MREG: variants seen among roughly 807,000 people sequenced by gnomAD.
MREG encodes melanoregulin.
MREG carries 31 observed loss-of-function variants against 28.5 expected under a neutral mutation model. The ratio of observed to expected loss-of-function variants is 1.09; its 90% CI spans 0.82 to 1.47. The LOEUF is 1.47. Among genes scored for constraint, MREG ranks in the 40% most tolerant of loss-of-function variants. MREG has a pLI of 0.00. For synonymous variants in MREG, 106 were observed against 95.2 expected (o/e 1.11, Z -0.66); for missense variants, 256 against 257.4 (o/e 0.99, Z 0.04).
At chr2:215,975,648 T>C (rs1693236487) in intron 2 of MREG, among the ~76,000 whole-genome samples, 1 of 152,198 alleles carries the variant, frequency 6.6e-6, no homozygotes, top group African/African-American at 2.4e-5. Context: ...TTCCAAAGCT[T>C]AATAACCTCA....
rs1177328613 is a variant in MREG at position 215,944,010 on chromosome 2, C to T, written c.*853G>A. On this transcript the variant is annotated 3_prime_UTR_variant, in exon 5 of 5. Coordinates refer to ENST00000263268, the MANE Select transcript of MREG (RefSeq NM_018000.3). ...TTTTTTTTTTTTTGAGACGGAGTCTCGCTCTGTCGCCCAGGCTGGAGTGCA... is the reference window on the plus strand; with the variant it reads ...TTTTTTTTTTTTTGAGACGGAGTCTTGCTCTGTCGCCCAGGCTGGAGTGCA... The T allele has an allele frequency of 3.7e-4, 41 of 109,596 alleles. No individual in the cohort carries two copies. The highest frequency in any genetic ancestry group is 2.4e-4 in the Non-Finnish European group (14 of 59,266). The allele number at this position is 109,596 out of a possible 1,614,324, so 6.8% of individuals were successfully genotyped here.
intron 2 of MREG, among the ~76,000 whole-genome samples, chr2:215,950,578 A>G (rs931209383): frequency 1.3e-5 from 2 of 152,220 alleles, no homozygotes; most frequent in Non-Finnish European, 1.5e-5. Context: ...CAATGAAACT[A>G]TGGATGTCAT....
rs28611784 is a variant in MREG at position 216,024,941 on chromosome 2, G to C, written c.-68+7848C>G. 2.5e-3 allele frequency among the ~76,000 whole-genome samples: 248 copies of C among 97,808 alleles called. 2 individuals are homozygous for C. Among genetic ancestry groups the C allele is most frequent in the Middle Eastern group, 0.011 (2 of 182 alleles). 64.2% of individuals were successfully genotyped at this position (97,808 alleles called of 152,430 possible). A position where few individuals can be genotyped will look rare whatever the true frequency, so the allele number is the denominator to read the frequency against. On this transcript the variant is annotated intron_variant, in intron 1 of 3. Transcript: ENST00000420348. ...GAAAAAAAAAAGGAACGGAAAGGAAGGGAAAGGAAGGGAAAGGAAAGGAAA... is the reference window on the plus strand; with the variant it reads ...GAAAAAAAAAAGGAACGGAAAGGAACGGAAAGGAAGGGAAAGGAAAGGAAA...
intron 2 of MREG, among the ~76,000 whole-genome samples, chr2:215,971,432 G>A (rs1217709022): frequency 2.6e-5 from 4 of 152,180 alleles, no homozygotes; most frequent in Non-Finnish European, 5.9e-5. Flanking sequence ...ACCCTAAGGT[G>A]CTTTTTATTC....
chr2:216,013,134 C>G, intron 1 of MREG, 99 bp downstream of exon 1: 1 of 1,061,180 alleles, frequency 9.4e-7, no homozygotes, highest in Non-Finnish European at 1.4e-6. Context: ...TTCCAGCAAG[C>G]CCACCTCCCC....
intron 2 of MREG, among the ~76,000 whole-genome samples, chr2:215,979,439 G>A (rs1693350997): frequency 1.4e-5 from 2 of 146,640 alleles, no homozygotes; most frequent in South Asian, 4.2e-4. Flanking sequence ...GTCCAGCCTG[G>A]GCAACAAGAG....
upstream of MREG, among the ~76,000 whole-genome samples, chr2:216,015,437 G>C (rs1239217516): frequency 6.6e-6 from 1 of 152,244 alleles, no homozygotes; most frequent in South Asian, 2.1e-4. Context: ...AGAGAGAAGG[G>C]GGCCATGGAA....
At chr2:216,031,636 G>A (rs893969624) in intron 1 of MREG, among the ~76,000 whole-genome samples, 5 of 89,336 alleles carry the variant, frequency 5.6e-5, no homozygotes, top group Admixed American at 2.2e-4. Context: ...AACAAGGAAG[G>A]AAGGAAGAAG....
chr2:215,970,807 T>C (rs1161076107), intron 2 of MREG, among the ~76,000 whole-genome samples: 2 of 152,200 alleles, frequency 1.3e-5, no homozygotes, highest in Admixed American at 6.5e-5. Flanking sequence ...TAGGATAAGA[T>C]GATCACAGCT....
downstream of MREG, among the ~76,000 whole-genome samples, chr2:215,942,218 C>T (rs1250568696): frequency 6.6e-6 from 1 of 152,074 alleles, no homozygotes; most frequent in Non-Finnish European, 1.5e-5. Context: ...CCAAATCAAC[C>T]TGCATACACA....
At chr2:215,962,002 C>A (rs1410167099) in intron 2 of MREG, among the ~76,000 whole-genome samples, 1 of 152,252 alleles carries the variant, frequency 6.6e-6, no homozygotes, top group African/African-American at 2.4e-5. Flanking sequence ...CATCCATAGC[C>A]TGGTTACTAA....
intron 1 of MREG, among the ~76,000 whole-genome samples, chr2:216,026,009 C>T (rs1183190545): frequency 2.0e-5 from 3 of 152,120 alleles, no homozygotes; most frequent in African/African-American, 7.2e-5. Context: ...GCAGTCTCAC[C>T]CACATAAACA....
chr2:215,987,304 G>A (rs1186776856), intron 2 of MREG, among the ~76,000 whole-genome samples: 3 of 146,194 alleles, frequency 2.1e-5, no homozygotes, highest in Non-Finnish European at 4.5e-5. Context: ...AGAGTGCAGT[G>A]GCGTGATCTT....
intron 1 of MREG, among the ~76,000 whole-genome samples, chr2:216,000,249 C>T (rs924495734): frequency 6.6e-6 from 1 of 152,036 alleles, no homozygotes; most frequent in African/African-American, 2.4e-5. Context: ...AGACAGCCAG[C>T]TGACAGTCCC....
intron 2 of MREG, among the ~76,000 whole-genome samples, chr2:215,949,894 GT>G (rs1692441289): frequency 6.6e-6 from 1 of 152,024 alleles, no homozygotes; most frequent in Admixed American, 6.6e-5. Flanking sequence ...TTTCTTTCCT[GT>G]CTTATTCTAG....
At chr2:215,960,168 G>A (rs1196836778) in intron 2 of MREG, among the ~76,000 whole-genome samples, 4 of 152,166 alleles carry the variant, frequency 2.6e-5, no homozygotes, top group South Asian at 2.1e-4. Context: ...TGTTAGCCAG[G>A]ATGATCTCGA....
chr2:216,031,764 T>C (rs1255962940), intron 1 of MREG, among the ~76,000 whole-genome samples: 1 of 152,022 alleles, frequency 6.6e-6, no homozygotes, highest in African/African-American at 2.4e-5. Context: ...ATTCCCCTAA[T>C]GTCCATACCA....
At chr2:216,010,575 T>A in intron 1 of MREG, among the ~76,000 whole-genome samples, 1 of 150,352 alleles carries the variant, frequency 6.7e-6, no homozygotes, top group Non-Finnish European at 1.5e-5. Flanking sequence ...GCCAGGATGG[T>A]CTTGATCTCC....
chr2:215,994,633 G>A (rs1446027112), intron 2 of MREG, among the ~76,000 whole-genome samples: 18 of 149,696 alleles, frequency 1.2e-4, no homozygotes, highest in Admixed American at 9.3e-4. Flanking sequence ...AAGAAGGAGG[G>A]GGAGGAGGAG....
Sources: allele counts gnomAD v4.1 joint callset (sites outside exome capture counted in the v4.1 genomes callset), GRCh38; gene constraint gnomAD v4.1.1; transcripts MANE v1.5; gene names NCBI Gene and HGNC (gene_info 2026-07-23, HGNC 2026-07-21).